ROR1: variants seen among roughly 807,000 people sequenced by gnomAD.
ROR1 encodes inactive tyrosine-protein kinase transmembrane receptor ROR1.
In ROR1, 19 loss-of-function variants were observed where a neutral mutation model predicts 78.8. The observed-to-expected ratio is 0.24, with a 90% CI of 0.17 to 0.35. The LOEUF (loss-of-function observed/expected upper bound fraction) is 0.35, where lower values mean the gene tolerates loss of function less well. ROR1 is among the 10% of genes least tolerant of loss of function. The probability of loss-of-function intolerance (pLI) is 1.00; values close to 1 mark genes in which losing one functional copy is unlikely to be tolerated. For synonymous variants in ROR1, 386 were observed against 433.6 expected, an observed-to-expected ratio of 0.89 and a Z score of 1.36; for missense variants, 917 against 1,177.8, an observed-to-expected ratio of 0.78 and a Z score of 3.24.
At chr1:63,928,101 A>G (rs939974961) in intron 1 of ROR1, among the ~76,000 whole-genome samples, 5 of 152,028 alleles carry the variant, frequency 3.3e-5, no homozygotes, top group Admixed American at 6.6e-5. Context: ...GGCCAATTCC[A>G]TCTTATACAG....
chr1:64,168,645 A>T (rs1440903478), intron 8 of ROR1, among the ~76,000 whole-genome samples: 1 of 152,264 alleles, frequency 6.6e-6, no homozygotes, highest in African/African-American at 2.4e-5. Context: ...GATATGGCCC[A>T]AGCTATGACT....
chr1:63,885,267 T>C (rs942184846), intron 1 of ROR1, among the ~76,000 whole-genome samples: 1 of 152,174 alleles, frequency 6.6e-6, no homozygotes, highest in African/African-American at 2.4e-5. Context: ...CTGGTTTTGC[T>C]TGGGGCTCCT....
At chr1:64,148,414 A>G (rs556229206) in intron 7 of ROR1, among the ~76,000 whole-genome samples, 1 of 152,252 alleles carries the variant, frequency 6.6e-6, no homozygotes, top group African/African-American at 2.4e-5. Context: ...GCAGATTTGA[A>G]ATGAGCCCTT....
At chr1:63,931,678 A>G (rs780691031) in intron 1 of ROR1, among the ~76,000 whole-genome samples, 3 of 152,188 alleles carry the variant, frequency 2.0e-5, no homozygotes, top group Non-Finnish European at 2.9e-5. Context: ...TACAATTTCT[A>G]GAGCCTATTA....
intron 1 of ROR1, among the ~76,000 whole-genome samples, chr1:63,817,399 G>C (rs1190253791): frequency 2.0e-5 from 3 of 152,188 alleles, no homozygotes; most frequent in African/African-American, 7.2e-5. Flanking sequence ...TCAAACGTTT[G>C]TGCTTGATGT....
chr1:63,900,452 T>TGA (rs1645476138), intron 1 of ROR1, among the ~76,000 whole-genome samples: 1 of 12,512 alleles, frequency 8.0e-5, no homozygotes. Flanking sequence ...AGACTCCATC[T>TGA]CAAAAAAAAA....
chr1:64,170,098 C>T (rs181364466), intron 8 of ROR1, among the ~76,000 whole-genome samples: 1 of 152,200 alleles, frequency 6.6e-6, no homozygotes, highest in East Asian at 1.9e-4. Flanking sequence ...GACAGTGGCT[C>T]TCTTCTCACA....
intron 1 of ROR1, among the ~76,000 whole-genome samples, chr1:64,004,167 G>A (rs567970412): frequency 6.6e-6 from 1 of 152,306 alleles, no homozygotes; most frequent in South Asian, 2.1e-4. Context: ...TGATTTTGGC[G>A]AAGCCACTTC....
At chr1:64,007,042 C>T (rs371128151) in intron 1 of ROR1, among the ~76,000 whole-genome samples, 155 of 151,518 alleles carry the variant, frequency 1.0e-3, no homozygotes, top group African/African-American at 3.7e-3. Flanking sequence ...AAAAAAAAAG[C>T]CAGGTTTTAC....
chr1:64,038,352 T>A (rs1358852886), intron 2 of ROR1, among the ~76,000 whole-genome samples: 2 of 152,100 alleles, frequency 1.3e-5, no homozygotes, highest in Admixed American at 1.3e-4. Context: ...CCTGTTTTGA[T>A]CTCAGCCTCC....
chr1:63,776,405 C>G lies in ROR1; in HGVS notation c.91+1897C>G, dbSNP rs573721616. 1.5e-4 allele frequency among the ~76,000 whole-genome samples: 23 copies of G among 152,304 alleles called. No individual in the cohort carries two copies. The South Asian group carries it at 4.3e-3, about 29-fold the overall frequency. On this transcript the variant is annotated intron_variant, in intron 1 of 8. Coordinates refer to ENST00000371079, the MANE Select transcript of ROR1 (RefSeq NM_005012.4). The stretch of plus-strand genomic sequence containing the variant: ...AGCCACAGACAAAACTCCTCAGACA[C>G]CCAGTGAGCAATTCCTGTCCCTTTT...
chr1:63,852,392 G>A (rs748976269), intron 1 of ROR1, among the ~76,000 whole-genome samples: 7 of 152,204 alleles, frequency 4.6e-5, no homozygotes, highest in Non-Finnish European at 8.8e-5. Context: ...CCCAGCCTTA[G>A]AAGTCTGCTC....
At chr1:64,101,924 G>A (rs894406247) in intron 4 of ROR1, among the ~76,000 whole-genome samples, 4 of 152,156 alleles carry the variant, frequency 2.6e-5, no homozygotes, top group Non-Finnish European at 5.9e-5. Flanking sequence ...CTTGGGTAAT[G>A]CTTTAAGATC....
At chr1:64,038,639 C>T (rs1646722173) in intron 2 of ROR1, among the ~76,000 whole-genome samples, 1 of 152,200 alleles carries the variant, frequency 6.6e-6, no homozygotes, top group Non-Finnish European at 1.5e-5. Flanking sequence ...TTCTTTACCA[C>T]CCTGAACATA....
chr1:63,964,995 T>C (rs938056690), intron 1 of ROR1, among the ~76,000 whole-genome samples: 4 of 152,248 alleles, frequency 2.6e-5, no homozygotes, highest in African/African-American at 9.6e-5. Flanking sequence ...ACTTTCCTTA[T>C]GGCCTTATCT....
chr1:63,975,077 T>A (rs1026810498), intron 1 of ROR1, among the ~76,000 whole-genome samples: 2 of 152,212 alleles, frequency 1.3e-5, no homozygotes, highest in African/African-American at 4.8e-5. Flanking sequence ...ATAGATTAAA[T>A]ATCACTTTTG....
At chr1:64,070,023 T>C (rs1646990826) in intron 4 of ROR1, among the ~76,000 whole-genome samples, 2 of 152,258 alleles carry the variant, frequency 1.3e-5, no homozygotes, top group Middle Eastern at 3.4e-3. Flanking sequence ...TCCCAGCCCC[T>C]AGCAACCACT....
chr1:64,155,730 A>G (rs1329980366), intron 7 of ROR1, among the ~76,000 whole-genome samples: 1 of 152,216 alleles, frequency 6.6e-6, no homozygotes, highest in Non-Finnish European at 1.5e-5. Context: ...AAAAATGACT[A>G]GCATTGCGTT....
intron 4 of ROR1, among the ~76,000 whole-genome samples, chr1:64,127,662 G>A (rs1438084870): frequency 6.6e-6 from 1 of 152,114 alleles, no homozygotes; most frequent in Non-Finnish European, 1.5e-5. Flanking sequence ...TATCCATGCT[G>A]AAATTCAAAG....
Sources: gnomAD v4.1 joint callset for allele counts (sites outside exome capture counted in the v4.1 genomes callset) on GRCh38, gnomAD v4.1.1 for gene constraint, MANE v1.5 for transcripts, NCBI Gene and HGNC (gene_info 2026-07-23, HGNC 2026-07-21) for gene names.